Variants in GJA4 observed in about 807,000 individuals in gnomAD.
GJA4 encodes gap junction alpha-4 protein.
Under a neutral mutation model 25.1 loss-of-function variants are expected in GJA4, and 13 were observed. The observed-to-expected ratio is 0.52, with a 90% CI of 0.34 to 0.82. The LOEUF (loss-of-function observed/expected upper bound fraction) is 0.82. GJA4 is among the 40% of genes least tolerant of loss of function. The pLI is 0.02. For synonymous variants in GJA4, 167 were observed against 193.9 expected (o/e 0.86, Z 1.15); for missense variants, 357 against 443.5 (o/e 0.80, Z 1.75).
At position 34,794,460 on chromosome 1, in the gene GJA4, C is replaced by G; in HGVS notation, c.247C>G (p.Leu83Val). ...CATCCGCTACTGGGTGCTGCAGTTCCTCTTCGTCAGCACACCCACCCTGGT... is the reference window on the plus strand; with the variant it reads ...CATCCGCTACTGGGTGCTGCAGTTCGTCTTCGTCAGCACACCCACCCTGGT... ...SHIRYWVLQFLFVSTPTLVYL... is the reference protein window; with the variant it reads ...SHIRYWVLQFVFVSTPTLVYL... The change falls in exon 2 of 2, where the codon CTC (leucine) becomes GTC (valine). Residue 83 changes from leucine (L) to valine (V), a missense_variant. Around this residue, in one of 2 missense-constraint regions of GJA4, gnomAD observed 79 missense variants for 145.4 expected, o/e 0.54. Coordinates refer to ENST00000342280, the MANE Select transcript of GJA4 (RefSeq NM_002060.3). This position sits in a 1 kb window ranked among gnomAD's most constrained non-coding sequence, Gnocchi z 7.8. 1 of 1,614,224 alleles carries G rather than the reference C, an allele frequency of 6.2e-7. No homozygotes were observed. The highest frequency in any genetic ancestry group is 1.1e-5 in the South Asian group (1 of 91,080).
Position 34,794,149 on chromosome 1 carries a change from C to T in GJA4, c.-17-48C>T, listed in dbSNP as rs184734471. ...CCCTGCAGGCTTGTTGCTGGGCGAA[C>T]GAGAAGGATGCCATGCTGACACACT... On this transcript the variant is annotated intron_variant, in intron 1 of 1. Coordinates refer to ENST00000342280, the MANE Select transcript of GJA4 (RefSeq NM_002060.3). The surrounding 1 kb of genome is among the most constrained non-coding windows in gnomAD (Gnocchi z 7.8). 6.5e-5 allele frequency: 96 copies of T among 1,470,262 alleles called. No homozygotes were observed. The East Asian group carries it at 1.5e-3, about 22-fold the overall frequency. 91.1% of individuals were successfully genotyped at this position (1,470,262 alleles called of 1,614,324 possible).
chr1:34,794,121 C>A lies in GJA4; in HGVS notation c.-17-76C>A. On this transcript the variant is annotated intron_variant, in intron 1 of 1. Coordinates refer to ENST00000342280, the MANE Select transcript of GJA4 (RefSeq NM_002060.3). The surrounding 1 kb of genome is among the most constrained non-coding windows in gnomAD (Gnocchi z 7.8). ...TTGTAGGTAGAACGGGCGTGGCAGA[C>A]CTCCCTGCAGGCTTGTTGCTGGGCG... The A allele has an allele frequency of 8.4e-7, 1 of 1,195,018 alleles. No individual in the cohort carries two copies. Among genetic ancestry groups the A allele is most frequent in the Non-Finnish European group, 1.2e-6 (1 of 845,034 alleles). The allele number at this position is 1,195,018 out of a possible 1,614,324, so 74.0% of individuals were successfully genotyped here.
In GJA4 at chr1:34,795,189, T is replaced by C. The variant is rs150002839; in HGVS notation, c.976T>C (p.Ser326Pro). Residue 326 changes from serine (S) to proline (P), a missense_variant, in exon 2 of 2, where the codon TCT becomes CCT. Ser to Pro is a moderately conservative substitution (Grantham distance 74). Coordinates refer to ENST00000342280, the MANE Select transcript of GJA4 (RefSeq NM_002060.3). Reference sequence around the variant, plus strand: ...AAAACCCCCAAGTCGTCCCAGCAGCTCTGCTTCTAAGAAGCAGTATGTATA... The same window carrying C: ...AAAACCCCCAAGTCGTCCCAGCAGCCCTGCTTCTAAGAAGCAGTATGTATA... Reference protein sequence around the residue: ...GQKPPSRPSSSASKKQYV With the variant: ...GQKPPSRPSSPASKKQYV 6.8e-6 allele frequency: 11 copies of C among 1,611,210 alleles called. No individual in the cohort carries two copies. The highest frequency in any genetic ancestry group is 9.3e-6 in the Non-Finnish European group (11 of 1,178,648).
At chr1:34,793,257 G>A (rs1640213799) in intron 1 of GJA4, among the ~76,000 whole-genome samples, 189 bp downstream of exon 1, 3 of 152,262 alleles carry the variant, frequency 2.0e-5, no homozygotes, top group Admixed American at 2.0e-4. Flanking sequence ...AACCCGAGGC[G>A]GGAGGAATAC....
chr1:34,794,252 G>C lies in GJA4; in HGVS notation c.39G>C (p.Gln13His). 6.2e-7 allele frequency: 1 copy of C among 1,614,216 alleles called. No homozygotes were observed. The highest frequency in any genetic ancestry group is 8.5e-7 in the Non-Finnish European group (1 of 1,180,026). Residue 13 changes from glutamine (Q) to histidine (H), a missense_variant, in exon 2 of 2, where the codon CAG becomes CAC. Coordinates refer to ENST00000342280, the MANE Select transcript of GJA4 (RefSeq NM_002060.3). The surrounding 1 kb of genome is among the most constrained non-coding windows in gnomAD (Gnocchi z 7.8). ...GCTTCCTGGAGAAGTTGCTGGACCA[G>C]GTCCAGGAGCACTCGACCGTGGTGG... is the stretch of plus-strand genomic sequence containing the variant. The part of the protein sequence containing the change: ...DWGFLEKLLD[Q>H]VQEHSTVVGK...
rs1237420915 is a variant in GJA4 at position 34,795,530 on chromosome 1, A to AC, written c.*319dup. The AC allele has an allele frequency of 9.5e-6, 3 of 316,564 alleles. No individual in the cohort carries two copies. Among genetic ancestry groups the AC allele is most frequent in the Non-Finnish European group, 1.8e-5 (3 of 163,004 alleles). The allele number at this position is 316,564 out of a possible 1,614,324, so 19.6% of individuals were successfully genotyped here. ...ATCCAGAGGAACCCAGAGCCAACTT[A>AC]CCCCAACCTCACCCTATGGAACAGT... On this transcript the variant is annotated 3_prime_UTR_variant, in exon 2 of 2. Transcript: ENST00000342280.
Position 34,795,136 on chromosome 1 carries a change from TC to T in GJA4, c.925del (p.Leu309TrpfsTer99). 6.2e-7 allele frequency: 1 copy of T among 1,612,540 alleles called. No homozygotes were observed. The highest frequency in any genetic ancestry group is 8.5e-7 in the Non-Finnish European group (1 of 1,178,762). ...CTGGCGTCTTCCAGGCCCCCTCTCT[TC>T]CTGGACCCACCCCCTCAGAATGGCC... Reference protein sequence around the residue: ...ERLASSRPPLFLDPPPQNGQK... With the variant: ...ERLASSRPPLXLDPPPQNGQK... On this transcript the variant is annotated frameshift_variant, in exon 2 of 2. Transcript: ENST00000342280. LOFTEE classifies it high-confidence loss of function.
In GJA4 at chr1:34,795,024, C is replaced by G; in HGVS notation, c.811C>G (p.Gln271Glu). 6.2e-7 allele frequency: 1 copy of G among 1,613,256 alleles called. No homozygotes were observed. Among genetic ancestry groups the G allele is most frequent in the Non-Finnish European group, 8.5e-7 (1 of 1,179,588 alleles). The change falls in exon 2 of 2, where the codon CAG becomes GAG. Residue 271 changes from glutamine to glutamate, a missense_variant. Gln to Glu is a conservative substitution (Grantham distance 29, BLOSUM62 2). Coordinates refer to ENST00000342280, the MANE Select transcript of GJA4 (RefSeq NM_002060.3). ...DQVFFYLPVG[Q>E]GPSSPPCPTY... The stretch of plus-strand genomic sequence containing the variant: ...GGTCTTCTTCTACCTCCCCGTGGGC[C>G]AGGGGCCCTCATCCCCACCATGCCC...
Position 34,795,258 on chromosome 1 carries a change from T to A in GJA4, c.*43T>A. On this transcript the variant is annotated 3_prime_UTR_variant, in exon 2 of 2. Coordinates refer to ENST00000342280, the MANE Select transcript of GJA4 (RefSeq NM_002060.3). ...CACCCAACAGAGGGGTCCTGAGAAGTCTGGCTGCCTGGGATGCCCCCTGCC... is the reference window on the plus strand; with the variant it reads ...CACCCAACAGAGGGGTCCTGAGAAGACTGGCTGCCTGGGATGCCCCCTGCC... 2 of 1,399,680 alleles carry A rather than the reference T, an allele frequency of 1.4e-6. No homozygotes were observed. The highest frequency in any genetic ancestry group is 2.0e-6 in the Non-Finnish European group (2 of 1,018,020). 86.7% of individuals were successfully genotyped at this position (1,399,680 alleles called of 1,614,324 possible). A position where few individuals can be genotyped will look rare whatever the true frequency, so the allele number is the denominator to read the frequency against.
chr1:34,794,779 G>A lies in GJA4; in HGVS notation c.566G>A (p.Arg189Gln), dbSNP rs758654854. 4.3e-6 allele frequency: 7 copies of A among 1,614,042 alleles called. No individual in the cohort carries two copies. Among genetic ancestry groups the A allele is most frequent in the Non-Finnish European group, 5.9e-6 (7 of 1,180,006 alleles). ...ATGGAGCCCGTGTTTGTGTGCCAGC[G>A]AGCACCCTGCCCCTACCTCGTGGAC... ...WTMEPVFVCQ[R>Q]APCPYLVDCF... Residue 189 changes from arginine (R) to glutamine (Q), a missense_variant, in exon 2 of 2, where the codon CGA (arginine) becomes CAA (glutamine). Physicochemically the swap from Arg to Gln is conservative, Grantham distance 43. Around this residue, in one of 2 missense-constraint regions of GJA4, gnomAD observed 278 missense variants for 298.1 expected, o/e 0.93. Coordinates refer to ENST00000342280, the MANE Select transcript of GJA4 (RefSeq NM_002060.3). The surrounding 1 kb of genome is among the most constrained non-coding windows in gnomAD (Gnocchi z 7.8).
At position 34,794,843 on chromosome 1, in the gene GJA4, C is replaced by T; in HGVS notation, c.630C>T (p.Ile210=). 1.2e-6 allele frequency: 2 copies of T among 1,614,136 alleles called. No individual in the cohort carries two copies. The change falls in exon 2 of 2, where the codon ATC becomes ATT. Residue 210 remains isoleucine (I), a synonymous_variant. Transcript: ENST00000342280. This position sits in a 1 kb window ranked among gnomAD's most constrained non-coding sequence, Gnocchi z 7.8. The part of the protein sequence containing the change: ...VSRPTEKTIF[I]IFMLVVGLIS... ...GCCCCACGGAGAAGACCATCTTCAT[C>T]ATCTTCATGTTGGTGGTTGGACTCA...
In GJA4 at chr1:34,794,968, A is replaced by C; in HGVS notation, c.755A>C (p.Gln252Pro). The C allele has an allele frequency of 6.2e-7, 1 of 1,614,070 alleles. No homozygotes were observed. The highest frequency in any genetic ancestry group is 8.5e-7 in the Non-Finnish European group (1 of 1,179,992). Residue 252 changes from glutamine to proline, a missense_variant, in exon 2 of 2, where the codon CAG (glutamine) becomes CCG (proline). Gln to Pro is a moderately conservative substitution (Grantham distance 76, BLOSUM62 -1). Around this residue, in one of 2 missense-constraint regions of GJA4, gnomAD observed 278 missense variants for 298.1 expected, o/e 0.93. Coordinates refer to ENST00000342280, the MANE Select transcript of GJA4 (RefSeq NM_002060.3). This position sits in a 1 kb window ranked among gnomAD's most constrained non-coding sequence, Gnocchi z 7.8. ...ARQGQDAPPT[Q>P]GTSSDPYTDQ... Reference sequence around the variant, plus strand: ...CAAGGCCAAGACGCACCCCCGACCCAGGGCACCTCCTCAGACCCTTACACG... The same window carrying C: ...CAAGGCCAAGACGCACCCCCGACCCCGGGCACCTCCTCAGACCCTTACACG...
Position 34,794,575 on chromosome 1 carries a change from C to T in GJA4, c.362C>T (p.Pro121Leu). 3.7e-6 allele frequency: 6 copies of T among 1,608,940 alleles called. No homozygotes were observed. The highest frequency in any genetic ancestry group is 5.1e-6 in the Non-Finnish European group (6 of 1,179,950). The change falls in exon 2 of 2, where the codon CCA becomes CTA. Residue 121 changes from proline to leucine, a missense_variant. Pro to Leu is a moderately conservative substitution (Grantham distance 98, BLOSUM62 -3). Around this residue, in one of 2 missense-constraint regions of GJA4, gnomAD observed 278 missense variants for 298.1 expected, o/e 0.93. Transcript: ENST00000342280. This position sits in a 1 kb window ranked among gnomAD's most constrained non-coding sequence, Gnocchi z 7.8. ...GELRALPAKD[P>L]QVERALAAVE... ...CTGCGGGCACTGCCGGCCAAGGACCCACAGGTGGAGCGGGCGCTGGCGGCC... is the reference window on the plus strand; with the variant it reads ...CTGCGGGCACTGCCGGCCAAGGACCTACAGGTGGAGCGGGCGCTGGCGGCC...
Position 34,795,028 on chromosome 1 carries a change from G to A in GJA4, c.815G>A (p.Gly272Glu), listed in dbSNP as rs1214441536. 6.2e-7 allele frequency: 1 copy of A among 1,613,256 alleles called. No individual in the cohort carries two copies. Among genetic ancestry groups the A allele is most frequent in the Non-Finnish European group, 8.5e-7 (1 of 1,179,662 alleles). The change falls in exon 2 of 2, where the codon GGG becomes GAG. Residue 272 changes from glycine to glutamate, a missense_variant. Gly to Glu is a moderately conservative substitution (Grantham distance 98, BLOSUM62 -2). This residue lies in a region of GJA4 where 278 missense variants were observed against 298.1 expected (regional missense o/e 0.93). Coordinates refer to ENST00000342280, the MANE Select transcript of GJA4 (RefSeq NM_002060.3). ...QVFFYLPVGQ[G>E]PSSPPCPTYN... ...TTCTTCTACCTCCCCGTGGGCCAGG[G>A]GCCCTCATCCCCACCATGCCCCACC...
rs1184165173 is a variant in GJA4, at chr1:34,793,862, A to G, written c.-17-335A>G. Among the ~76,000 whole-genome samples, 9 of 152,318 alleles carry G rather than the reference A, an allele frequency of 5.9e-5. No individual in the cohort carries two copies. The South Asian group carries it at 1.4e-3, about 25-fold the overall frequency. On this transcript the variant is annotated intron_variant, in intron 1 of 1. Transcript: ENST00000342280. ...TAAGTTCCTCAAATTCTGTTCCCAT[A>G]GGCAAAGGAGCCTCAACTCCACCCA...
In GJA4 at chr1:34,794,318, C is replaced by T. The variant is rs200215817; in HGVS notation, c.105C>T (p.Leu35=). 6.2e-7 allele frequency: 1 copy of T among 1,614,232 alleles called. No individual in the cohort carries two copies. Among genetic ancestry groups the T allele is most frequent in the Admixed American group, 1.7e-5 (1 of 60,028 alleles). ...CGGTGCTCTTCATCTTCCGCATCCT[C>T]ATCCTGGGCCTGGCCGGCGAGTCAG... ...WLTVLFIFRI[L]ILGLAGESVW... is the part of the protein sequence containing the mutation. The change falls in exon 2 of 2, where the codon CTC becomes CTT. Residue 35 remains leucine (L), a synonymous_variant. Coordinates refer to ENST00000342280, the MANE Select transcript of GJA4 (RefSeq NM_002060.3). This position sits in a 1 kb window ranked among gnomAD's most constrained non-coding sequence, Gnocchi z 7.8.
Position 34,793,036 on chromosome 1 carries a change from C to A in GJA4, c.-50C>A. The stretch of plus-strand genomic sequence containing the variant: ...GCGGGCGTCACTCCGGCCATCGTCC[C>A]CACCTCCACCTGGGCCGCCCGGCAG... On this transcript the variant is annotated 5_prime_UTR_variant, in exon 1 of 2. Coordinates refer to ENST00000342280, the MANE Select transcript of GJA4 (RefSeq NM_002060.3). 2.9e-6 allele frequency: 1 copy of A among 345,878 alleles called. No homozygotes were observed. The highest frequency in any genetic ancestry group is 5.7e-6 in the Non-Finnish European group (1 of 174,392). 21.4% of individuals were successfully genotyped at this position (345,878 alleles called of 1,614,324 possible). A position where few individuals can be genotyped will look rare whatever the true frequency, so the allele number is the denominator to read the frequency against.
In GJA4 at chr1:34,795,044, A is replaced by G. The variant is rs142720699; in HGVS notation, c.831A>G (p.Pro277=). The change falls in exon 2 of 2, where the codon CCA becomes CCG. Residue 277 remains proline (P), a synonymous_variant. Coordinates refer to ENST00000342280, the MANE Select transcript of GJA4 (RefSeq NM_002060.3). ...LPVGQGPSSP[P]CPTYNGLSSS... The stretch of plus-strand genomic sequence containing the variant: ...TGGGCCAGGGGCCCTCATCCCCACC[A>G]TGCCCCACCTACAATGGGCTCTCAT... 2.5e-6 allele frequency: 4 copies of G among 1,613,182 alleles called. No homozygotes were observed. Among genetic ancestry groups the G allele is most frequent in the South Asian group, 1.1e-5 (1 of 90,928 alleles).
In GJA4 at chr1:34,795,404, C is replaced by T. The variant is rs1410285222; in HGVS notation, c.*189C>T. The stretch of plus-strand genomic sequence containing the variant: ...CCTTCCTGGTGCCCACCAGGCACTA[C>T]GGCTTCCTCTCCAGAATGTGGCTTT... On this transcript the variant is annotated 3_prime_UTR_variant, in exon 2 of 2. Transcript: ENST00000342280. The T allele has an allele frequency of 3.5e-6, 2 of 572,440 alleles. No homozygotes were observed. Among genetic ancestry groups the T allele is most frequent in the Non-Finnish European group, 3.2e-6 (1 of 315,454 alleles). 35.5% of individuals were successfully genotyped at this position (572,440 alleles called of 1,614,324 possible).
Sources: gnomAD v4.1 joint callset for allele counts (sites outside exome capture counted in the v4.1 genomes callset) on GRCh38, gnomAD v4.1.1 for gene constraint, gnomAD v4.1.1 regional missense constraint, Gnocchi (gnomAD v3.1) non-coding constraint, MANE v1.5 for transcripts, NCBI Gene and HGNC (gene_info 2026-07-23, HGNC 2026-07-21) for gene names.